PDIA5: variants seen among roughly 807,000 people sequenced by gnomAD.
The protein encoded by PDIA5 is protein disulfide isomerase family A member 5.
PDIA5 carries 58 observed loss-of-function variants against 77.6 expected under a neutral mutation model. The observed-to-expected ratio is 0.75, with a 90% CI of 0.61 to 0.93. The LOEUF (loss-of-function observed/expected upper bound fraction) is 0.93. Among genes scored for constraint, PDIA5 ranks in the 40% least tolerant of loss-of-function variants. The pLI is 0.00. For missense variants in PDIA5, 630 were observed against 647.7 expected (o/e 0.97, Z 0.30); for synonymous variants, 250 against 252.1 (o/e 0.99, Z 0.08).
intron 10 of PDIA5, among the ~76,000 whole-genome samples, chr3:123,126,785 A>G (rs1391356092): frequency 6.6e-6 from 1 of 152,224 alleles, no homozygotes; most frequent in African/African-American, 2.4e-5. Flanking sequence ...TCAAATGCCT[A>G]GGAGAGAAGA....
intron 5 of PDIA5, among the ~76,000 whole-genome samples, chr3:123,104,987 A>G (rs1452802162): frequency 1.3e-5 from 2 of 152,206 alleles, no homozygotes; most frequent in African/African-American, 2.4e-5. Context: ...CACCTGAAAA[A>G]CAAGGTTGTG....
At chr3:123,149,558 C>A (rs1332451913) in intron 13 of PDIA5, among the ~76,000 whole-genome samples, 1 of 151,140 alleles carries the variant, frequency 6.6e-6, no homozygotes, top group Non-Finnish European at 1.5e-5. Context: ...GTGGAGGGAC[C>A]CAGTGGACAG....
At position 123,161,927 on chromosome 3, in the gene PDIA5, T is replaced by A; in HGVS notation, c.1527T>A (p.His509Gln). 1.2e-6 allele frequency: 2 copies of A among 1,606,140 alleles called. No individual in the cohort carries two copies. The highest frequency in any genetic ancestry group is 1.7e-6 in the Non-Finnish European group (2 of 1,172,978). Residue 509 changes from histidine to glutamine, a missense_variant, in exon 17 of 17, where the codon CAT (histidine) becomes CAA (glutamine). Transcript: ENST00000316218. ...TTCGAGCCCTCCGGGAGGGAGACCATGAAAGACTAGGGAAAAAGAAGGAAG... is the reference window on the plus strand; with the variant it reads ...TTCGAGCCCTCCGGGAGGGAGACCAAGAAAGACTAGGGAAAAAGAAGGAAG... ...NYIRALREGD[H>Q]ERLGKKKEEL is the part of the protein sequence containing the mutation.
intron 15 of PDIA5, among the ~76,000 whole-genome samples, chr3:123,156,606 T>A (rs1208066891): frequency 6.6e-6 from 1 of 152,174 alleles, no homozygotes; most frequent in African/African-American, 2.4e-5. Flanking sequence ...CCACCCAGAA[T>A]GCTGGGTGCT....
At chr3:123,106,021 T>C (rs1004651501) in intron 5 of PDIA5, among the ~76,000 whole-genome samples, 1 of 152,258 alleles carries the variant, frequency 6.6e-6, no homozygotes, top group Non-Finnish European at 1.5e-5. Flanking sequence ...TGAGTCATTG[T>C]ACACATAACA....
At chr3:123,106,318 T>G (rs895463636) in intron 5 of PDIA5, among the ~76,000 whole-genome samples, 2 of 152,254 alleles carry the variant, frequency 1.3e-5, no homozygotes, top group Admixed American at 6.5e-5. Context: ...TGCAGGAATG[T>G]GGAAATGTCT....
intron 8 of PDIA5, among the ~76,000 whole-genome samples, chr3:123,123,002 T>C (rs754213027): frequency 2.1e-4 from 32 of 152,240 alleles, no homozygotes; most frequent in Non-Finnish European, 3.4e-4. Flanking sequence ...TGGCTGGGCA[T>C]GCTGGCTCAT....
At chr3:123,085,449 T>C (rs1934113142) in intron 1 of PDIA5, among the ~76,000 whole-genome samples, 1 of 152,128 alleles carries the variant, frequency 6.6e-6, no homozygotes, top group South Asian at 2.1e-4. Flanking sequence ...TTCTCTACTG[T>C]GTGACTCCAA....
At chr3:123,138,726 A>T (rs1258935296) in intron 11 of PDIA5, among the ~76,000 whole-genome samples, 1 of 152,190 alleles carries the variant, frequency 6.6e-6, no homozygotes, top group Non-Finnish European at 1.5e-5. Context: ...TGGAAGCCTT[A>T]AAAGAGCTCT....
chr3:123,158,939 A>G (rs1013563159), intron 15 of PDIA5, among the ~76,000 whole-genome samples: 2 of 152,174 alleles, frequency 1.3e-5, no homozygotes, highest in Non-Finnish European at 2.9e-5. Flanking sequence ...GGGAGGACGC[A>G]TTTGTCTCTT....
At chr3:123,137,401 A>T (rs917850721) in intron 11 of PDIA5, among the ~76,000 whole-genome samples, 12 of 152,242 alleles carry the variant, frequency 7.9e-5, no homozygotes, top group Admixed American at 7.8e-4. Context: ...GAACTCTACA[A>T]TTATAGATAT....
At chr3:123,125,825 C>T (rs1319623588) in intron 10 of PDIA5, among the ~76,000 whole-genome samples, 2 of 152,198 alleles carry the variant, frequency 1.3e-5, no homozygotes, top group African/African-American at 4.8e-5. Context: ...CATCGGCTAC[C>T]TCATTTCCAG....
intron 11 of PDIA5, among the ~76,000 whole-genome samples, chr3:123,131,448 A>G (rs945330839): frequency 1.3e-5 from 2 of 150,842 alleles, no homozygotes; most frequent in African/African-American, 2.4e-5. Flanking sequence ...TCTAAAAACA[A>G]TTTTTTAATT....
intron 10 of PDIA5, 100 bp downstream of exon 10, chr3:123,124,443 A>G (rs1935196660): frequency 1.2e-6 from 1 of 852,828 alleles, no homozygotes; most frequent in Non-Finnish European, 2.0e-6. Flanking sequence ...TGGGGGAAAG[A>G]ATGAGGAAGG....
chr3:123,124,037 C>A (rs767170088), intron 8 of PDIA5, 29 bp from the exon 9 acceptor site: 1 of 1,482,646 alleles, frequency 6.7e-7, no homozygotes, highest in South Asian at 1.1e-5. Context: ...GGCACAGGCT[C>A]CACACGGCTC....
At chr3:123,140,246 A>C (rs1935594380) in intron 11 of PDIA5, among the ~76,000 whole-genome samples, 1 of 152,016 alleles carries the variant, frequency 6.6e-6, no homozygotes, top group African/African-American at 2.4e-5. Context: ...AAGTGACCTG[A>C]GTTGAGGTTG....
chr3:123,149,961 G>A (rs984110084), intron 13 of PDIA5, among the ~76,000 whole-genome samples: 1 of 152,122 alleles, frequency 6.6e-6, no homozygotes, highest in East Asian at 1.9e-4. Flanking sequence ...CCCACAACTG[G>A]GGGGGCTGCC....
intron 11 of PDIA5, among the ~76,000 whole-genome samples, chr3:123,136,909 T>G (rs910593512): frequency 5.3e-5 from 8 of 152,200 alleles, no homozygotes; most frequent in African/African-American, 1.7e-4. Flanking sequence ...TTTTAACCAT[T>G]GAATAGTATT....
chr3:123,156,266 G>A (rs1438806860), intron 15 of PDIA5, among the ~76,000 whole-genome samples: 2 of 152,164 alleles, frequency 1.3e-5, no homozygotes, highest in African/African-American at 2.4e-5. Context: ...TTCTCACTTA[G>A]ACCCAGAGCC....
Sources: allele counts gnomAD v4.1 joint callset (sites outside exome capture counted in the v4.1 genomes callset), GRCh38; gene constraint gnomAD v4.1.1; transcripts MANE v1.5; gene names NCBI Gene and HGNC (gene_info 2026-07-23, HGNC 2026-07-21).